The following CNTN5 variants were observed in gnomAD, a reference collection of about 807,000 sequenced individuals.
The protein encoded by CNTN5 is contactin 5, also known as contactin-5.
In CNTN5, 77 loss-of-function variants were observed where a neutral mutation model predicts 129.1. That is an observed-to-expected ratio of 0.60 (90% CI 0.50 to 0.72). The LOEUF is 0.72. Among genes scored for constraint, CNTN5 ranks in the 30% least tolerant of loss-of-function variants. CNTN5 has a pLI of 0.00. For synonymous variants in CNTN5, 509 were observed against 465.6 expected (o/e 1.09, Z -1.20); for missense variants, 1,478 against 1,328.8 (o/e 1.11, Z -1.75).
chr11:99,112,884 CT>C (rs986027949), intron 1 of CNTN5, among the ~76,000 whole-genome samples: 1 of 151,780 alleles, frequency 6.6e-6, no homozygotes, highest in Non-Finnish European at 1.5e-5. Context: ...TACTATCCCC[CT>C]TTTTTTAAAA....
intron 2 of CNTN5, among the ~76,000 whole-genome samples, chr11:99,456,881 T>G (rs149416927): frequency 4.6e-5 from 7 of 152,162 alleles, no homozygotes; most frequent in African/African-American, 1.7e-4. Flanking sequence ...ACTAGATATT[T>G]TAATTTAAAT....
chr11:99,058,071 T>C (rs904686246), intron 1 of CNTN5, among the ~76,000 whole-genome samples: 1 of 151,682 alleles, frequency 6.6e-6, no homozygotes, highest in Non-Finnish European at 1.5e-5. Context: ...TAAGAGTGAG[T>C]ATTGTGGTTT....
chr11:99,667,909 C>A (rs545854883), intron 3 of CNTN5, among the ~76,000 whole-genome samples: 1 of 151,818 alleles, frequency 6.6e-6, no homozygotes, highest in African/African-American at 2.4e-5. Context: ...ACCTATGTAA[C>A]AAACCTGCAC....
At chr11:99,996,605 T>G (rs1939460133) in intron 8 of CNTN5, among the ~76,000 whole-genome samples, 1 of 152,170 alleles carries the variant, frequency 6.6e-6, no homozygotes. Flanking sequence ...ACCCTCATTA[T>G]TCTTATGATC....
intron 9 of CNTN5, among the ~76,000 whole-genome samples, chr11:100,055,846 C>G (rs770637544): frequency 2.6e-5 from 4 of 151,406 alleles, no homozygotes; most frequent in Non-Finnish European, 5.9e-5. Context: ...ATAGTCTTCT[C>G]TCTCTCTCTC....
At chr11:99,458,418 G>A (rs1311446801) in intron 2 of CNTN5, among the ~76,000 whole-genome samples, 2 of 150,504 alleles carry the variant, frequency 1.3e-5, no homozygotes, top group African/African-American at 2.4e-5. Context: ...TGAGAATTGC[G>A]CTATAAAAAG....
intron 1 of CNTN5, among the ~76,000 whole-genome samples, chr11:99,058,951 A>C (rs1864751424): frequency 6.7e-6 from 1 of 148,660 alleles, no homozygotes; most frequent in Admixed American, 6.8e-5. Context: ...TACATTATAT[A>C]TAGTTATAAT....
chr11:99,146,262 T>C (rs1034434183), intron 1 of CNTN5, among the ~76,000 whole-genome samples: 18 of 152,144 alleles, frequency 1.2e-4, no homozygotes, highest in African/African-American at 4.3e-4. Context: ...TGGGTAATAT[T>C]AAAATTGTAT....
At chr11:100,180,411 G>A (rs550901872) in intron 13 of CNTN5, among the ~76,000 whole-genome samples, 1 of 151,964 alleles carries the variant, frequency 6.6e-6, no homozygotes, top group South Asian at 2.1e-4. Context: ...ATATCCTGAG[G>A]CAAAAACAAA....
At chr11:99,582,050 G>C (rs971502849) in intron 3 of CNTN5, among the ~76,000 whole-genome samples, 7 of 151,894 alleles carry the variant, frequency 4.6e-5, no homozygotes, top group African/African-American at 1.7e-4. Context: ...ACATTTGCTT[G>C]TCTGTAAAGT....
chr11:100,299,091 T>A (rs1298448478), intron 19 of CNTN5, 71 bp from the exon 20 acceptor site: 3 of 1,035,920 alleles, frequency 2.9e-6, no homozygotes, highest in Non-Finnish European at 2.8e-6. Context: ...TTTTTTTTAA[T>A]TAAGAATTTG....
At chr11:99,707,245 A>C (rs1954795684) in intron 3 of CNTN5, among the ~76,000 whole-genome samples, 1 of 151,560 alleles carries the variant, frequency 6.6e-6, no homozygotes, top group African/African-American at 2.4e-5. Flanking sequence ...GAGAAGATAA[A>C]CACTATTTAA....
intron 3 of CNTN5, among the ~76,000 whole-genome samples, chr11:99,648,272 TAAATC>T (rs1439887088): frequency 6.6e-6 from 1 of 151,952 alleles, no homozygotes; most frequent in African/African-American, 2.4e-5. Flanking sequence ...CTGGGATAAA[TAAATC>T]CCACTTGATC....
At chr11:99,626,891 T>C (rs1366470363) in intron 3 of CNTN5, among the ~76,000 whole-genome samples, 1 of 152,164 alleles carries the variant, frequency 6.6e-6, no homozygotes, top group Non-Finnish European at 1.5e-5. Context: ...AGTATTCCTG[T>C]ATAATTGCAC....
At chr11:99,318,386 C>A (rs1349372239) in intron 1 of CNTN5, among the ~76,000 whole-genome samples, 1 of 152,082 alleles carries the variant, frequency 6.6e-6, no homozygotes, top group Non-Finnish European at 1.5e-5. Flanking sequence ...GAACAACATC[C>A]CTGGACATGC....
intron 6 of CNTN5, among the ~76,000 whole-genome samples, chr11:99,879,343 C>T (rs1182789507): frequency 6.6e-6 from 1 of 152,138 alleles, no homozygotes; most frequent in African/African-American, 2.4e-5. Context: ...ATAAACAAAA[C>T]TGCATGAAAG....
At chr11:99,894,968 C>T (rs760898272) in intron 6 of CNTN5, among the ~76,000 whole-genome samples, 1 of 152,122 alleles carries the variant, frequency 6.6e-6, no homozygotes, top group Non-Finnish European at 1.5e-5. Flanking sequence ...CTTGACATGC[C>T]CCAAGCATTT....
intron 3 of CNTN5, among the ~76,000 whole-genome samples, chr11:99,660,827 T>A (rs1174714847): frequency 6.6e-6 from 1 of 152,054 alleles, no homozygotes. Context: ...AGTTGTTTTT[T>A]TCTTCTCTAC....
At chr11:99,149,477 T>C (rs764650759) in intron 1 of CNTN5, among the ~76,000 whole-genome samples, 14 of 152,174 alleles carry the variant, frequency 9.2e-5, no homozygotes, top group Non-Finnish European at 1.6e-4. Context: ...AGGCTTATTA[T>C]TTTAGAATAC....
Sources: gnomAD v4.1 joint callset for allele counts (sites outside exome capture counted in the v4.1 genomes callset) on GRCh38, gnomAD v4.1.1 for gene constraint, MANE v1.5 for transcripts, NCBI Gene and HGNC (gene_info 2026-07-23, HGNC 2026-07-21) for gene names.